Variants in DOCK8 observed in about 807,000 individuals in gnomAD.
The protein encoded by DOCK8 is dedicator of cytokinesis protein 8.
DOCK8 carries 141 observed loss-of-function variants against 245.6 expected under a neutral mutation model. The observed-to-expected ratio is 0.57, with a 90% confidence interval of 0.50 to 0.66. The LOEUF (loss-of-function observed/expected upper bound fraction) is 0.66. Among genes scored for constraint, DOCK8 ranks in the 30% least tolerant of loss-of-function variants. The probability of loss-of-function intolerance (pLI) is 0.00; values close to 1 mark genes in which losing one functional copy is unlikely to be tolerated. For missense variants in DOCK8, 2,965 were observed against 2,603.4 expected, an observed-to-expected ratio of 1.14 and a Z score of -3.02; for synonymous variants, 1,168 against 970.2, an observed-to-expected ratio of 1.20 and a Z score of -3.79.
At position 432,276 on chromosome 9, in the gene DOCK8, C is replaced by T. The variant is rs775874805; in HGVS notation, c.4737C>T (p.Ala1579=). The change falls in exon 37 of 48, where the codon GCC becomes GCT. Residue 1579 remains alanine, a synonymous_variant. Transcript: ENST00000432829. ...HLRRSLRTIL[A]YSEEDTAMQM... ...GAAGATCCTTGAGGACAATTTTGGCCTATTCAGAAGAGGACACAGCCATGC... is the reference window on the plus strand; with the variant it reads ...GAAGATCCTTGAGGACAATTTTGGCTTATTCAGAAGAGGACACAGCCATGC... 6.2e-6 allele frequency: 10 copies of T among 1,613,790 alleles called. No individual in the cohort carries two copies. In the South Asian group the frequency reaches 1.1e-4, roughly 18 times the overall value.
At chr9:407,984 GA>G (rs752060032) in intron 28 of DOCK8, among the ~76,000 whole-genome samples, 1 of 152,152 alleles carries the variant, frequency 6.6e-6, no homozygotes, top group Non-Finnish European at 1.5e-5. Context: ...TTCCATAACA[GA>G]GAACGAAATC....
At position 379,825 on chromosome 9, in the gene DOCK8, A is replaced by G. The variant is rs1315659697; in HGVS notation, c.2495A>G (p.His832Arg). 1 of 1,614,126 alleles carries G rather than the reference A, an allele frequency of 6.2e-7. No homozygotes were observed. The highest frequency in any genetic ancestry group is 2.2e-5 in the East Asian group (1 of 44,896). Residue 832 changes from histidine to arginine, a missense_variant, in exon 21 of 48, where the codon CAC (histidine) becomes CGC (arginine). Transcript: ENST00000432829. ...GTGGTGGCCATCGCCAACAGTCTGC[A>G]CAACAGCAAGGACCTGAGCAAGGAC... ...ESVVAIANSL[H>R]NSKDLSKDQH...
intron 1 of DOCK8, among the ~76,000 whole-genome samples, chr9:233,728 T>A (rs1209503400): frequency 1.3e-5 from 2 of 152,100 alleles, no homozygotes; most frequent in Non-Finnish European, 2.9e-5. Context: ...ACCCCTGCCT[T>A]TTTTTGTTTT....
At chr9:418,515 A>G (rs1293486642) in intron 30 of DOCK8, among the ~76,000 whole-genome samples, 1 of 151,936 alleles carries the variant, frequency 6.6e-6, no homozygotes, top group African/African-American at 2.4e-5. Flanking sequence ...TGGTACACCC[A>G]CCTCAGCCTC....
chr9:308,962 C>G (rs546721206), intron 5 of DOCK8, among the ~76,000 whole-genome samples: 13 of 152,164 alleles, frequency 8.5e-5, no homozygotes, highest in Non-Finnish European at 1.6e-4. Context: ...TGGCCAGGTT[C>G]TTTCTTTTAA....
At chr9:434,300 A>G (rs1291852105) in intron 38 of DOCK8, among the ~76,000 whole-genome samples, 1 of 152,222 alleles carries the variant, frequency 6.6e-6, no homozygotes, top group East Asian at 1.9e-4. Context: ...CTTTTGTTCC[A>G]ATTATATTCA....
intron 1 of DOCK8, among the ~76,000 whole-genome samples, chr9:251,978 T>C (rs1189087654): frequency 2.7e-5 from 4 of 147,598 alleles, no homozygotes; most frequent in East Asian, 1.9e-4. Flanking sequence ...TTTTCTTTTT[T>C]TTTTTTTTTT....
At chr9:236,997 A>G (rs1406455482) in intron 1 of DOCK8, among the ~76,000 whole-genome samples, 1 of 152,224 alleles carries the variant, frequency 6.6e-6, no homozygotes, top group African/African-American at 2.4e-5. Flanking sequence ...GGCTGGGGGA[A>G]TATATTATAG....
upstream of DOCK8, chr9:214,785 G>A (rs994879092): frequency 3.2e-6 from 5 of 1,557,806 alleles, no homozygotes; most frequent in Admixed American, 1.9e-5. Context: ...GGAGCCGGCC[G>A]TCGCTGCTCC....
rs2055272596 is a variant in DOCK8, at chr9:403,944, GTGTA to G, written c.3235-972_3235-969del. Among the ~76,000 whole-genome samples the G allele has an allele frequency of 8.8e-5, 6 of 68,370 alleles. 1 individual carries two copies. The highest frequency in any genetic ancestry group is 3.7e-4 in the African/African-American group (4 of 10,942). 44.9% of individuals were successfully genotyped at this position (68,370 alleles called of 152,430 possible). On this transcript the variant is annotated intron_variant, in intron 26 of 47. Coordinates refer to ENST00000432829, the MANE Select transcript of DOCK8 (RefSeq NM_203447.4). ...TATATATATATGTGTATATATATAT[GTGTA>G]TATATATATATGTATATATATATAT...
intron 14 of DOCK8, among the ~76,000 whole-genome samples, chr9:351,557 C>A (rs1181908722): frequency 6.6e-6 from 1 of 152,204 alleles, no homozygotes; most frequent in Non-Finnish European, 1.5e-5. Flanking sequence ...CCCCTGGTCC[C>A]GGAATTAAGG....
chr9:215,471 G>A (rs1389846818), intron 1 of DOCK8: 1 of 1,479,910 alleles, frequency 6.8e-7, no homozygotes, highest in Non-Finnish European at 8.9e-7. Flanking sequence ...AGTTGCGTTT[G>A]AGGCAGGCTG....
At chr9:322,620 A>G (rs1199958832) in intron 7 of DOCK8, among the ~76,000 whole-genome samples, 2 of 152,228 alleles carry the variant, frequency 1.3e-5, no homozygotes, top group Non-Finnish European at 2.9e-5. Context: ...TTATAACACA[A>G]TTTTAAGTCT....
At chr9:419,283 G>A (rs558531162) in intron 30 of DOCK8, among the ~76,000 whole-genome samples, 15 of 152,346 alleles carry the variant, frequency 9.8e-5, no homozygotes, top group African/African-American at 3.4e-4. Flanking sequence ...TCACCATGAG[G>A]ATTGGGGGGA....
intron 2 of DOCK8, among the ~76,000 whole-genome samples, chr9:279,845 G>A (rs991927933): frequency 2.0e-5 from 3 of 152,188 alleles, no homozygotes; most frequent in Non-Finnish European, 2.9e-5. Flanking sequence ...CAGGAGTGGC[G>A]TGAAGCCTCC....
intron 25 of DOCK8, among the ~76,000 whole-genome samples, chr9:398,845 A>G (rs892567559): frequency 2.0e-5 from 3 of 152,206 alleles, no homozygotes; most frequent in Admixed American, 2.0e-4. Context: ...TATAAAAAAA[A>G]GTAGGATCCA....
At chr9:236,752 G>A (rs1429493490) in intron 1 of DOCK8, among the ~76,000 whole-genome samples, 1 of 152,178 alleles carries the variant, frequency 6.6e-6, no homozygotes, top group East Asian at 1.9e-4. Context: ...GATGCAGATC[G>A]AGTGGTTCTC....
At chr9:295,311 A>G (rs1263203077) in intron 4 of DOCK8, among the ~76,000 whole-genome samples, 1 of 152,172 alleles carries the variant, frequency 6.6e-6, no homozygotes, top group African/African-American at 2.4e-5. Context: ...CTACAAAAGG[A>G]CACGGGAGTG....
chr9:267,880 A>G (rs747162140), intron 1 of DOCK8: 1 of 152,224 alleles, frequency 6.6e-6, no homozygotes, highest in African/African-American at 2.4e-5. Context: ...TCTGCTCAAA[A>G]TTATATTTTT....
Sources: gnomAD v4.1 joint callset for allele counts (sites outside exome capture counted in the v4.1 genomes callset) on GRCh38, gnomAD v4.1.1 for gene constraint, MANE v1.5 for transcripts, NCBI Gene and HGNC (gene_info 2026-07-23, HGNC 2026-07-21) for gene names.